The following FDX2 variants were observed in gnomAD, a reference collection of about 807,000 sequenced individuals.
The protein encoded by FDX2 is ferredoxin-2, mitochondrial.
In FDX2, 13 loss-of-function variants were observed where a neutral mutation model predicts 18.5. That is an observed-to-expected ratio of 0.70 (90% CI 0.46 to 1.12). The LOEUF is 1.12. Ranked by LOEUF, FDX2 falls within the 50% of genes most tolerant of loss-of-function variation. FDX2 has a pLI of 0.00. For synonymous variants in FDX2, 132 were observed against 106.2 expected (o/e 1.24, Z -1.49); for missense variants, 238 against 250.4 (o/e 0.95, Z 0.34).
In FDX2 at chr19:10,310,502, A is replaced by C; in HGVS notation, c.545T>G (p.Val182Gly). ...GTGTTCATGTCAGTGGGGCTTGGGG[A>C]CATGGCCATCCACGTAGAAGTTCCT... The change falls in exon 5 of 5, where the codon GTC becomes GGC. Residue 182 changes from valine to glycine, a missense_variant. Physicochemically the swap from Val to Gly is moderately radical, Grantham distance 109. Coordinates refer to ENST00000393708, the MANE Select transcript of FDX2 (RefSeq NM_001031734.4). 10 of 1,614,108 alleles carry C rather than the reference A, an allele frequency of 6.2e-6. No individual in the cohort carries two copies. Among genetic ancestry groups the C allele is most frequent in the Non-Finnish European group, 8.5e-6 (10 of 1,180,004 alleles).
In FDX2 at chr19:10,310,243, AAT is replaced by A. The variant is rs1248975716; in HGVS notation, c.*241_*242del. The A allele has an allele frequency of 8.9e-6, 5 of 562,836 alleles. No individual in the cohort carries two copies. Among genetic ancestry groups the A allele is most frequent in the African/African-American group, 5.6e-5 (3 of 53,206 alleles). 34.9% of individuals were successfully genotyped at this position (562,836 alleles called of 1,614,324 possible). On this transcript the variant is annotated 3_prime_UTR_variant, in exon 5 of 5. Coordinates refer to ENST00000393708, the MANE Select transcript of FDX2 (RefSeq NM_001031734.4). ...TGTGTTATCGATTTATTGCAGCTCCAATATGAGTCCACTCCTACTCAAACCCT... is the reference window on the plus strand; with the variant it reads ...TGTGTTATCGATTTATTGCAGCTCCAATGAGTCCACTCCTACTCAAACCCT...
chr19:10,315,714 G>A lies in FDX2; in HGVS notation c.200C>T (p.Pro67Leu), dbSNP rs1257921367. The A allele has an allele frequency of 2.6e-6, 4 of 1,551,914 alleles. No individual in the cohort carries two copies. The highest frequency in any genetic ancestry group is 1.2e-5 in the South Asian group (1 of 84,352). The change falls in exon 2 of 5, where the codon CCC becomes CTC. Residue 67 changes from proline (P) to leucine (L), a missense_variant. Transcript: ENST00000393708. ...GGCCCCCTGCACTCACACGTCCCCG[G>A]GCCGCTCCGGGCCGCCCGCGTCCTC...
intron 3 of FDX2, among the ~76,000 whole-genome samples, chr19:10,313,668 TATA>T (rs149752309): frequency 6.5e-5 from 3 of 45,906 alleles, no homozygotes; most frequent in African/African-American, 2.3e-4. Context: ...TATATATATA[TATA>T]TTTTTTTTTT....
chr19:10,312,344 G>C (rs920861532), intron 3 of FDX2, among the ~76,000 whole-genome samples: 13 of 151,886 alleles, frequency 8.6e-5, no homozygotes, highest in Admixed American at 2.6e-4. Flanking sequence ...GACAGAACCT[G>C]AAGTTTTCTG....
chr19:10,312,779 C>T (rs933280137), intron 3 of FDX2, among the ~76,000 whole-genome samples: 5 of 152,158 alleles, frequency 3.3e-5, no homozygotes, highest in African/African-American at 7.2e-5. Flanking sequence ...CCTCGTGATC[C>T]GCTCGCCTCA....
intron 2 of FDX2, 93 bp downstream of exon 2, chr19:10,315,612 G>T: frequency 3.3e-6 from 5 of 1,518,290 alleles, no homozygotes; most frequent in Non-Finnish European, 4.5e-6. Flanking sequence ...GGGCAAAGCA[G>T]AAGGGGGACC....
At position 10,315,319 on chromosome 19, in the gene FDX2, G is replaced by GATT. The variant is rs2040368890; in HGVS notation, c.316+66_316+67insAAT. 1.6e-4 allele frequency: 96 copies of GATT among 599,998 alleles called. 4 individuals carry two copies. Among genetic ancestry groups the GATT allele is most frequent in the Middle Eastern group, 9.9e-4 (2 of 2,022 alleles). The allele number at this position is 599,998 out of a possible 1,614,324, so 37.2% of individuals were successfully genotyped here. A position where few individuals can be genotyped will look rare whatever the true frequency, so the allele number is the denominator to read the frequency against. ...GTGAAGAGACACACCTAATTTGTGG[G>GATT]TTTTTTTTTTTTTTTTTTTGGACAA... On this transcript the variant is annotated intron_variant, in intron 3 of 4. Coordinates refer to ENST00000393708, the MANE Select transcript of FDX2 (RefSeq NM_001031734.4).
At chr19:10,310,698 G>C in intron 4 of FDX2, 56 bp from the exon 5 acceptor site, 1 of 1,516,996 alleles carries the variant, frequency 6.6e-7, no homozygotes, top group Middle Eastern at 2.2e-4. Flanking sequence ...GGTGGGTGGG[G>C]GGCCAGAGGT....
In FDX2 at chr19:10,311,146, C is replaced by T. The variant is rs538902960; in HGVS notation, c.317-206G>A. On this transcript the variant is annotated intron_variant, in intron 3 of 4. Coordinates refer to ENST00000393708, the MANE Select transcript of FDX2 (RefSeq NM_001031734.4). ...TTCCCCAGTGTGTAGGGTTTACAAA[C>T]GGACATCTGGGAGGCCCCATTTCCC... 9.9e-5 allele frequency among the ~76,000 whole-genome samples: 15 copies of T among 152,282 alleles called. No individual in the cohort carries two copies. In the South Asian group the frequency reaches 2.5e-3, roughly 25 times the overall value.
Position 10,315,888 on chromosome 19 carries a change from C to T in FDX2, c.118G>A (p.Val40Met), listed in dbSNP as rs764458304. Residue 40 changes from valine (V) to methionine (M), a missense_variant, in exon 1 of 5, where the codon GTG becomes ATG. By Grantham distance (21) the Val-to-Met change is conservative. Transcript: ENST00000393708. ...AACTTTCTGGTTGTCCCCAGCGCCA[C>T]CCCCTCCCCCGACCCGGAAGTGCCC... The T allele has an allele frequency of 6.3e-7, 1 of 1,576,286 alleles. No individual in the cohort carries two copies. Among genetic ancestry groups the T allele is most frequent in the Non-Finnish European group, 8.6e-7 (1 of 1,156,780 alleles).
Position 10,313,385 on chromosome 19 carries a change from A to G in FDX2, c.316+2001T>C, listed in dbSNP as rs2040342858. On this transcript the variant is annotated intron_variant, in intron 3 of 4. Transcript: ENST00000393708. The stretch of plus-strand genomic sequence containing the variant: ...ATTTACCTGTGGGATTATTGTCCCT[A>G]TTAGACCGAAATGGATGTGAGATGA... 6.6e-5 allele frequency among the ~76,000 whole-genome samples: 10 copies of G among 152,124 alleles called. No individual in the cohort carries two copies. The South Asian group carries it at 2.1e-3, about 32-fold the overall frequency.
chr19:10,315,546 G>A (rs2040373446), intron 2 of FDX2, 54 bp from the exon 3 acceptor site: 8 of 1,585,374 alleles, frequency 5.0e-6, no homozygotes, highest in East Asian at 4.5e-5. Context: ...TCAGGGCCCG[G>A]GTAGAATCTA....
Position 10,315,439 on chromosome 19 carries a change from C to G in FDX2, c.263G>C (p.Arg88Thr). ...CAGGTGAAGAACATTGTCCCCGACTCTGCCACTCACTGGGATCCGCTGGCC... is the reference window on the plus strand; with the variant it reads ...CAGGTGAAGAACATTGTCCCCGACTGTGCCACTCACTGGGATCCGCTGGCC... Residue 88 changes from arginine (R) to threonine (T), a missense_variant, in exon 3 of 5, where the codon AGA (arginine) becomes ACA (threonine). Physicochemically the swap from Arg to Thr is moderately conservative, Grantham distance 71. Coordinates refer to ENST00000393708, the MANE Select transcript of FDX2 (RefSeq NM_001031734.4). The G allele has an allele frequency of 6.2e-7, 1 of 1,613,430 alleles. No homozygotes were observed. The highest frequency in any genetic ancestry group is 1.1e-5 in the South Asian group (1 of 91,060).
Position 10,315,400 on chromosome 19 carries a change from C to T in FDX2, c.302G>A (p.Gly101Glu). The T allele has an allele frequency of 1.2e-6, 2 of 1,612,834 alleles. No homozygotes were observed. Among genetic ancestry groups the T allele is most frequent in the Non-Finnish European group, 1.7e-6 (2 of 1,179,710 alleles). ...CCGGTTCCTACCTTCCAGGTCCACCCCGTGGCGCTGGGCCAGGTGAAGAAC... is the reference window on the plus strand; with the variant it reads ...CCGGTTCCTACCTTCCAGGTCCACCTCGTGGCGCTGGGCCAGGTGAAGAAC... Residue 101 changes from glycine to glutamate, a missense_variant, in exon 3 of 5, where the codon GGG becomes GAG. By Grantham distance (98) the Gly-to-Glu change is moderately conservative (BLOSUM62 -2). Coordinates refer to ENST00000393708, the MANE Select transcript of FDX2 (RefSeq NM_001031734.4).
At chr19:10,311,401 G>GTTT (rs71297586) in intron 3 of FDX2, among the ~76,000 whole-genome samples, 3 of 141,830 alleles carry the variant, frequency 2.1e-5, no homozygotes, top group Non-Finnish European at 3.1e-5. Flanking sequence ...TTAGGATTTT[G>GTTT]TTTTTTTTTT....
chr19:10,314,224 G>T (rs183678148), intron 3 of FDX2, among the ~76,000 whole-genome samples: 20 of 148,472 alleles, frequency 1.3e-4, no homozygotes, highest in Admixed American at 8.7e-4. Flanking sequence ...CCTCAAGTGA[G>T]TCGCCTGCCT....
At chr19:10,310,706 G>C (rs1158187508) in intron 4 of FDX2, 64 bp from the exon 5 acceptor site, 1 of 1,448,886 alleles carries the variant, frequency 6.9e-7, no homozygotes, top group Non-Finnish European at 9.5e-7. Flanking sequence ...GGGGGCCAGA[G>C]GTGGGGGAGG....
At chr19:10,313,778 G>A (rs1156838905) in intron 3 of FDX2, among the ~76,000 whole-genome samples, 2 of 135,942 alleles carry the variant, frequency 1.5e-5, no homozygotes, top group Non-Finnish European at 3.1e-5. Context: ...TCCACCTCCC[G>A]GGTTCATGCC....
intron 3 of FDX2, among the ~76,000 whole-genome samples, chr19:10,311,993 C>T (rs1472298913): frequency 1.3e-5 from 2 of 151,012 alleles, no homozygotes; most frequent in African/African-American, 4.9e-5. Context: ...GCCTCAGCCT[C>T]CCAAGTAGCT....
Sources: allele counts gnomAD v4.1 joint callset (sites outside exome capture counted in the v4.1 genomes callset), GRCh38; gene constraint gnomAD v4.1.1; transcripts MANE v1.5; gene names NCBI Gene and HGNC (gene_info 2026-07-23, HGNC 2026-07-21).